Variants in ALDH1A2 observed in about 807,000 individuals in gnomAD.
ALDH1A2 encodes retinal dehydrogenase 2.
ALDH1A2 carries 27 observed loss-of-function variants against 60.3 expected under a neutral mutation model. The ratio of observed to expected loss-of-function variants is 0.45; its 90% CI spans 0.33 to 0.62. The LOEUF (loss-of-function observed/expected upper bound fraction) is 0.62. Ranked by LOEUF, ALDH1A2 falls within the 20% of genes least tolerant of loss-of-function variation. The pLI, the probability that ALDH1A2 is intolerant of heterozygous loss-of-function variation, is 0.02. For missense variants in ALDH1A2, 581 were observed against 643.8 expected (o/e 0.90, Z 1.06); for synonymous variants, 289 against 232.4 (o/e 1.24, Z -2.21).
intron 1 of ALDH1A2, among the ~76,000 whole-genome samples, chr15:58,057,313 GATATAT>G (rs34310360): frequency 1.3e-5 from 2 of 149,680 alleles, no homozygotes; most frequent in East Asian, 2.0e-4. Flanking sequence ...ATTACAGAAG[GATATAT>G]ATATATATAT....
chr15:58,059,328 A>C (rs4646565), intron 1 of ALDH1A2, among the ~76,000 whole-genome samples: 9,118 of 152,266 alleles, frequency 0.06, 328 homozygotes, highest in East Asian at 0.12. Flanking sequence ...AATTAAAGAA[A>C]TGCTAGGAGG....
At chr15:58,037,113 C>T (rs1295179480) in intron 1 of ALDH1A2, among the ~76,000 whole-genome samples, 2 of 151,676 alleles carry the variant, frequency 1.3e-5, no homozygotes, top group Non-Finnish European at 3.0e-5. Context: ...TTCTTAACAA[C>T]AGCCTCTACC....
At chr15:57,972,400 A>G (rs934794377) in intron 7 of ALDH1A2, among the ~76,000 whole-genome samples, 2 of 152,184 alleles carry the variant, frequency 1.3e-5, no homozygotes, top group Admixed American at 1.3e-4. Context: ...ATAAGACTCT[A>G]TTTCAGGTAA....
chr15:57,997,242 T>C (rs1241794779), intron 4 of ALDH1A2, among the ~76,000 whole-genome samples: 1 of 152,066 alleles, frequency 6.6e-6, no homozygotes, highest in Non-Finnish European at 1.5e-5. Flanking sequence ...AACTAAAGAA[T>C]CTTCTGGATA....
intron 12 of ALDH1A2, among the ~76,000 whole-genome samples, chr15:57,956,250 T>G (rs1893522673): frequency 6.6e-6 from 1 of 152,210 alleles, no homozygotes; most frequent in South Asian, 2.1e-4. Context: ...GAGCTTCCTA[T>G]TCCCTCTTCC....
In ALDH1A2 at chr15:57,962,057, TG is replaced by T; in HGVS notation, c.1205del (p.Thr402LysfsTer25). 6.2e-7 allele frequency: 1 copy of T among 1,614,174 alleles called. No homozygotes were observed. The highest frequency in any genetic ancestry group is 8.5e-7 in the Non-Finnish European group (1 of 1,180,028). On this transcript the variant is annotated frameshift_variant, in exon 10 of 13. Transcript: ENST00000249750. LOFTEE classifies it high-confidence loss of function. ...TATCATCAGTGACGTTGGAAAACACTGTGGGCTCAATGAAAAACCCCTTTCG... is the reference window on the plus strand; with the variant it reads ...TATCATCAGTGACGTTGGAAAACACTTGGGCTCAATGAAAAACCCCTTTCG... ...LGRKGFFIEP[T>X]VFSNVTDDMR...
rs184702049 is a variant in ALDH1A2, at chr15:58,010,630, G to A, written c.493+19C>T. On this transcript the variant is annotated intron_variant, in intron 4 of 12. Coordinates refer to ENST00000249750, the MANE Select transcript of ALDH1A2 (RefSeq NM_003888.4). ...GTGGTTTCACGTTTTCCTTTTCAAC[G>A]TACTCAGATTTCACATACCTACAGG... is the stretch of plus-strand genomic sequence containing the variant. 4.7e-4 allele frequency: 751 copies of A among 1,611,470 alleles called. 1 individual carries two copies. The African/African-American group carries it at 7.9e-3, about 17-fold the overall frequency.
At chr15:58,007,472 T>C (rs1346198644) in intron 4 of ALDH1A2, among the ~76,000 whole-genome samples, 2 of 151,970 alleles carry the variant, frequency 1.3e-5, no homozygotes, top group African/African-American at 4.8e-5. Flanking sequence ...AGAACAACAC[T>C]TAAGTTTGAA....
chr15:58,058,223 C>G, intron 1 of ALDH1A2: 1 of 627,740 alleles, frequency 1.6e-6, no homozygotes, highest in Non-Finnish European at 2.8e-6. Context: ...GTGCCACTAT[C>G]ACACACATCT....
At chr15:58,025,086 A>C (rs1347665260) in intron 1 of ALDH1A2, among the ~76,000 whole-genome samples, 2 of 152,278 alleles carry the variant, frequency 1.3e-5, no homozygotes, top group East Asian at 3.9e-4. Flanking sequence ...AAAAGTAGAA[A>C]GATTATAAAT....
intron 1 of ALDH1A2, among the ~76,000 whole-genome samples, chr15:58,030,889 A>G (rs954891828): frequency 6.6e-6 from 1 of 152,186 alleles, no homozygotes; most frequent in Admixed American, 6.5e-5. Context: ...AGAGGAGACA[A>G]ACAGACGGAA....
chr15:58,011,191 TA>T (rs1895623240), intron 3 of ALDH1A2, among the ~76,000 whole-genome samples: 1 of 152,108 alleles, frequency 6.6e-6, no homozygotes, highest in South Asian at 2.1e-4. Flanking sequence ...CTGATGAGAA[TA>T]GAAAGTGTTC....
chr15:57,967,946 ATGC>A (rs1336566748), intron 7 of ALDH1A2, among the ~76,000 whole-genome samples: 1 of 152,156 alleles, frequency 6.6e-6, no homozygotes, highest in African/African-American at 2.4e-5. Flanking sequence ...TCTTCTGGGA[ATGC>A]TGAAAATTAT....
At chr15:58,002,512 C>T (rs1895307849) in intron 4 of ALDH1A2, among the ~76,000 whole-genome samples, 2 of 151,872 alleles carry the variant, frequency 1.3e-5, no homozygotes, top group South Asian at 4.1e-4. Flanking sequence ...CGCATTGGCA[C>T]ATCCTATATA....
chr15:58,032,415 T>C (rs1484246467), intron 1 of ALDH1A2, among the ~76,000 whole-genome samples: 1 of 152,024 alleles, frequency 6.6e-6, no homozygotes, highest in East Asian at 1.9e-4. Context: ...AAATGAGTAG[T>C]TAATGGGTGC....
intron 7 of ALDH1A2, among the ~76,000 whole-genome samples, chr15:57,974,108 G>A (rs1227479789): frequency 6.6e-6 from 1 of 152,142 alleles, no homozygotes; most frequent in African/African-American, 2.4e-5. Context: ...CGATGCAACA[G>A]TCACACAGAT....
chr15:57,955,361 C>CG (rs1306221462), intron 12 of ALDH1A2, 92 bp from the exon 13 acceptor site: 1 of 1,326,526 alleles, frequency 7.5e-7, no homozygotes, highest in African/African-American at 1.5e-5. Context: ...CAGTTTATCA[C>CG]CTGCGAACAG....
At chr15:57,956,213 A>AGAGGGGAG (rs1243026184) in intron 12 of ALDH1A2, among the ~76,000 whole-genome samples, 3 of 152,254 alleles carry the variant, frequency 2.0e-5, no homozygotes, top group Admixed American at 6.5e-5. Flanking sequence ...AGGAAAGTAG[A>AGAGGGGAG]GAGGGGAGGA....
chr15:58,018,214 C>T (rs1005678918), intron 1 of ALDH1A2, among the ~76,000 whole-genome samples: 1 of 151,908 alleles, frequency 6.6e-6, no homozygotes, highest in African/African-American at 2.4e-5. Context: ...CAGAAGTCAC[C>T]ATGAAGAGGC....
Sources: gnomAD v4.1 joint callset for allele counts (sites outside exome capture counted in the v4.1 genomes callset) on GRCh38, gnomAD v4.1.1 for gene constraint, MANE v1.5 for transcripts, NCBI Gene and HGNC (gene_info 2026-07-23, HGNC 2026-07-21) for gene names.